Variants in SGCG observed in about 807,000 individuals in gnomAD.
SGCG encodes gamma-sarcoglycan.
In SGCG, 26 loss-of-function variants were observed where a neutral mutation model predicts 29.3. The ratio of observed to expected loss-of-function variants is 0.89; its 90% CI spans 0.65 to 1.23. The LOEUF is 1.23. Ranked by LOEUF, SGCG falls within the 50% of genes most tolerant of loss-of-function variation. SGCG has a pLI of 0.00. For missense variants in SGCG, 353 were observed against 356.0 expected (o/e 0.99, Z 0.07); for synonymous variants, 145 against 129.7 (o/e 1.12, Z -0.80).
chr13:23,215,229 A>T (rs1023392310), intron 2 of SGCG, among the ~76,000 whole-genome samples: 1 of 152,200 alleles, frequency 6.6e-6, no homozygotes, highest in African/African-American at 2.4e-5. Flanking sequence ...TCTTATAACA[A>T]AATTAATGGG....
At chr13:23,191,588 C>T (rs1230411844) in intron 1 of SGCG, among the ~76,000 whole-genome samples, 1 of 152,178 alleles carries the variant, frequency 6.6e-6, no homozygotes, top group East Asian at 1.9e-4. Context: ...TTGAGTTGAT[C>T]ACTTGGCAGA....
At chr13:23,194,658 T>G (rs1194248962) in intron 1 of SGCG, among the ~76,000 whole-genome samples, 5 of 152,184 alleles carry the variant, frequency 3.3e-5, no homozygotes, top group Non-Finnish European at 7.3e-5. Flanking sequence ...CTGGCTTGCT[T>G]GTGTCCCATG....
At chr13:23,320,309 A>T (rs890227622) in intron 6 of SGCG, among the ~76,000 whole-genome samples, 1 of 152,228 alleles carries the variant, frequency 6.6e-6, no homozygotes, top group African/African-American at 2.4e-5. Flanking sequence ...ATAGTAATTC[A>T]TAAATGGCAT....
the SGCG span, among the ~76,000 whole-genome samples, chr13:23,169,466 G>T: frequency 1.3e-5 from 2 of 151,776 alleles, no homozygotes; most frequent in African/African-American, 4.8e-5. Context: ...GGATCACGAG[G>T]TCAAGAGATC....
intron 3 of SGCG, among the ~76,000 whole-genome samples, chr13:23,240,878 G>A (rs576352920): frequency 3.2e-4 from 49 of 152,102 alleles, no homozygotes; most frequent in Non-Finnish European, 2.8e-4. Context: ...AATTGGCCGG[G>A]TGCGGTGGCT....
Position 23,235,016 on chromosome 13 carries a change from T to A in SGCG, c.297+304T>A, listed in dbSNP as rs114868240. On this transcript the variant is annotated intron_variant, in intron 3 of 7. Transcript: ENST00000218867. ...ACAATTTAAACTTCTTTATGTTAGATCAACTAACTTAAATATATTTATTTT... is the reference window on the plus strand; with the variant it reads ...ACAATTTAAACTTCTTTATGTTAGAACAACTAACTTAAATATATTTATTTT... 0.011 allele frequency among the ~76,000 whole-genome samples: 1,626 copies of A among 152,288 alleles called. 28 individuals are homozygous for A. The highest frequency in any genetic ancestry group is 0.036 in the African/African-American group (1,511 of 41,534).
chr13:23,172,769 A>G, the SGCG span, among the ~76,000 whole-genome samples: 1 of 152,244 alleles, frequency 6.6e-6, no homozygotes, highest in Non-Finnish European at 1.5e-5. Flanking sequence ...TGATGGATGA[A>G]CAGGTTATAG....
At chr13:23,178,415 A>G (rs147080465), upstream of SGCG, among the ~76,000 whole-genome samples, 724 of 152,270 alleles carry the variant, frequency 4.8e-3, 4 homozygotes, top group South Asian at 8.7e-3. Context: ...AGATGGACAA[A>G]AGAGCAGTGG....
rs369889394 is a variant in SGCG at position 23,284,324 on chromosome 13, A to T, written c.505+4846A>T. On this transcript the variant is annotated intron_variant, in intron 5 of 7. Transcript: ENST00000218867. Reference sequence around the variant, plus strand: ...CATTCCTTTTCATTCTTTTTTCTCTAATCTTGTCTTCATGCTTTATTTGAT... The same window carrying T: ...CATTCCTTTTCATTCTTTTTTCTCTTATCTTGTCTTCATGCTTTATTTGAT... Among the ~76,000 whole-genome samples, 12 of 151,914 alleles carry T rather than the reference A, an allele frequency of 7.9e-5. No homozygotes were observed. In the South Asian group the frequency reaches 2.3e-3, roughly 29 times the overall value.
chr13:23,277,697 CT>C (rs879580838), intron 4 of SGCG, among the ~76,000 whole-genome samples: 184 of 135,330 alleles, frequency 1.4e-3, no homozygotes, highest in South Asian at 7.8e-3. Flanking sequence ...TCTCAACTTC[CT>C]TTTTTTTTTT....
At chr13:23,201,342 G>A (rs949289558) in intron 1 of SGCG, among the ~76,000 whole-genome samples, 3 of 143,182 alleles carry the variant, frequency 2.1e-5, no homozygotes, top group African/African-American at 7.9e-5. Flanking sequence ...ATAACCCCTG[G>A]AACCTGTGAA....
chr13:23,236,145 C>A (rs1362114556), intron 3 of SGCG, among the ~76,000 whole-genome samples: 1 of 152,118 alleles, frequency 6.6e-6, no homozygotes, highest in East Asian at 1.9e-4. Flanking sequence ...ATACACTTAC[C>A]TTAATTGTGA....
intron 7 of SGCG, among the ~76,000 whole-genome samples, chr13:23,323,494 C>T (rs1051847678): frequency 2.6e-5 from 4 of 152,190 alleles, no homozygotes; most frequent in African/African-American, 9.7e-5. Context: ...CAGAATTATG[C>T]CTACCCACAT....
the SGCG span, among the ~76,000 whole-genome samples, chr13:23,162,491 T>A: frequency 7.2e-5 from 11 of 152,140 alleles, no homozygotes; most frequent in African/African-American, 2.7e-4. Context: ...CCGGGCGTGG[T>A]GGCAGGCGCC....
At chr13:23,189,663 C>T (rs1877160303) in intron 1 of SGCG, among the ~76,000 whole-genome samples, 1 of 152,060 alleles carries the variant, frequency 6.6e-6, no homozygotes, top group Admixed American at 6.5e-5. Flanking sequence ...GGACTGGCCT[C>T]AAAAAGGGCT....
upstream of SGCG, among the ~76,000 whole-genome samples, chr13:23,177,737 A>AT (rs35899289): frequency 9.2e-4 from 136 of 148,530 alleles, no homozygotes; most frequent in Admixed American, 1.5e-3. Flanking sequence ...ATGTCCGGCT[A>AT]TTTTTTTTTT....
At chr13:23,289,623 G>C (rs1209884509) in intron 5 of SGCG, among the ~76,000 whole-genome samples, 2 of 93,058 alleles carry the variant, frequency 2.1e-5, no homozygotes, top group Non-Finnish European at 5.9e-5. Flanking sequence ...GAGTTTTAAT[G>C]TGGAATTTAA....
Position 23,299,435 on chromosome 13 carries a change from TATATATATA to T in SGCG, c.578+3949_578+3957del, listed in dbSNP as rs1882045444. 2.6e-3 allele frequency among the ~76,000 whole-genome samples: 52 copies of T among 20,182 alleles called. 4 individuals are homozygous for T. The highest frequency in any genetic ancestry group is 5.7e-3 in the African/African-American group (41 of 7,254). 13.2% of individuals were successfully genotyped at this position (20,182 alleles called of 152,430 possible). ...ATATATATATATATATATATATATATATATATATATATATATATATATTTTTTTTTTTTT... is the reference window on the plus strand; with the variant it reads ...ATATATATATATATATATATATATATTATATATATATATTTTTTTTTTTTT... On this transcript the variant is annotated intron_variant, in intron 6 of 7. Coordinates refer to ENST00000218867, the MANE Select transcript of SGCG (RefSeq NM_000231.3).
the SGCG span, among the ~76,000 whole-genome samples, chr13:23,161,111 G>A: frequency 6.6e-6 from 1 of 152,156 alleles, no homozygotes; most frequent in Non-Finnish European, 1.5e-5. Context: ...GTTGCGTAGG[G>A]GTTACTTGGG....
Sources: gnomAD v4.1 joint callset for allele counts (sites outside exome capture counted in the v4.1 genomes callset) on GRCh38, gnomAD v4.1.1 for gene constraint, MANE v1.5 for transcripts, NCBI Gene and HGNC (gene_info 2026-07-23, HGNC 2026-07-21) for gene names.